PDCD6IP: variants seen among roughly 807,000 people sequenced by gnomAD.
The protein encoded by PDCD6IP is programmed cell death 6 interacting protein, also known as programmed cell death 6-interacting protein.
PDCD6IP carries 43 observed loss-of-function variants against 103.7 expected under a neutral mutation model. That is an observed-to-expected ratio of 0.41 (90% CI 0.32 to 0.53). PDCD6IP has a LOEUF of 0.53. Among genes scored for constraint, PDCD6IP ranks in the 20% least tolerant of loss-of-function variants. The pLI, the probability that PDCD6IP is intolerant of heterozygous loss-of-function variation, is 0.16. For synonymous variants in PDCD6IP, 354 were observed against 378.7 expected, an observed-to-expected ratio of 0.93 and a Z score of 0.76; for missense variants, 871 against 1,036.7, an observed-to-expected ratio of 0.84 and a Z score of 2.20.
chr3:33,822,789 A>T (rs951626913), intron 4 of PDCD6IP, among the ~76,000 whole-genome samples: 2 of 151,996 alleles, frequency 1.3e-5, no homozygotes, highest in African/African-American at 4.8e-5. Flanking sequence ...CTGAATAGCT[A>T]GGACTATAGG....
In PDCD6IP at chr3:33,864,125, T is replaced by C. The variant is rs769005395; in HGVS notation, c.2240T>C (p.Met747Thr). ...CCTCCAACTCCAGCGCCAAGAACCA[T>C]GCCGGTTAGTAGGCAAATAAATATT... ...PTPPTPAPRT[M>T]PPTKPQPPAR... Residue 747 changes from methionine to threonine, a missense_variant, in exon 16 of 18, where the codon ATG becomes ACG. Met to Thr is a moderately conservative substitution (Grantham distance 81, BLOSUM62 -1). Around this residue, in one of 5 missense-constraint regions of PDCD6IP, gnomAD observed 202 missense variants for 205.2 expected, o/e 0.98. Coordinates refer to ENST00000307296, the MANE Select transcript of PDCD6IP (RefSeq NM_013374.6). The C allele has an allele frequency of 6.5e-7, 1 of 1,527,152 alleles. No individual in the cohort carries two copies. The highest frequency in any genetic ancestry group is 9.1e-7 in the Non-Finnish European group (1 of 1,101,832). The allele number at this position is 1,527,152 out of a possible 1,614,324, so 94.6% of individuals were successfully genotyped here.
rs762157452 is a variant in PDCD6IP at position 33,865,298 on chromosome 3, G to C, written c.2300G>C (p.Arg767Pro). The change falls in exon 17 of 18, where the codon CGA becomes CCA. Residue 767 changes from arginine to proline, a missense_variant. Coordinates refer to ENST00000307296, the MANE Select transcript of PDCD6IP (RefSeq NM_013374.6). Reference sequence around the variant, plus strand: ...CCACCACCTGTGCTTCCAGCAAATCGAGCTCCTTCTGCTACTGCTCCATCT... The same window carrying C: ...CCACCACCTGTGCTTCCAGCAAATCCAGCTCCTTCTGCTACTGCTCCATCT... ...RPPPPVLPAN[R>P]APSATAPSPV... The C allele has an allele frequency of 1.3e-6, 2 of 1,592,234 alleles. No individual in the cohort carries two copies. Among genetic ancestry groups the C allele is most frequent in the Non-Finnish European group, 1.7e-6 (2 of 1,170,544 alleles).
chr3:33,830,408 T>A (rs929241787), intron 7 of PDCD6IP, among the ~76,000 whole-genome samples: 2 of 152,192 alleles, frequency 1.3e-5, no homozygotes, highest in Non-Finnish European at 2.9e-5. Context: ...CCATATTTAG[T>A]CTCTATAAAT....
At chr3:33,835,125 C>T (rs1489186141) in intron 7 of PDCD6IP, 2 of 424,510 alleles carry the variant, frequency 4.7e-6, no homozygotes, top group Admixed American at 2.6e-5. Flanking sequence ...TATGGTGTCA[C>T]TATATCTAAT....
At chr3:33,801,421 TTTC>T (rs1462695818) in intron 1 of PDCD6IP, among the ~76,000 whole-genome samples, 1 of 152,188 alleles carries the variant, frequency 6.6e-6, no homozygotes, top group Non-Finnish European at 1.5e-5. Context: ...ATAGACTTGT[TTTC>T]TTATTACTAA....
At chr3:33,809,353 AT>A (rs966879671) in intron 1 of PDCD6IP, among the ~76,000 whole-genome samples, 6 of 152,196 alleles carry the variant, frequency 3.9e-5, no homozygotes, top group Admixed American at 3.9e-4. Flanking sequence ...AGCCTAGACA[AT>A]AGTGAGAAAT....
chr3:33,861,563 T>C (rs529935455), intron 15 of PDCD6IP, among the ~76,000 whole-genome samples: 3 of 152,362 alleles, frequency 2.0e-5, no homozygotes, highest in Non-Finnish European at 4.4e-5. Context: ...GAGCATGTTA[T>C]ATGCAGTGCT....
At chr3:33,819,713 G>T (rs990724880) in intron 3 of PDCD6IP, among the ~76,000 whole-genome samples, 1 of 152,222 alleles carries the variant, frequency 6.6e-6, no homozygotes, top group Non-Finnish European at 1.5e-5. Flanking sequence ...GGTTTGTTCA[G>T]TGTTTTTTGT....
chr3:33,799,072 T>G lies in PDCD6IP; in HGVS notation c.209+135T>G, dbSNP rs1696406165. On this transcript the variant is annotated intron_variant, in intron 1 of 17. Transcript: ENST00000307296. ...CCCGGCCTGACCAGGCGCGTAGGTG[T>G]GGTCTGCATTCTTTGCTGGTGAGCA... 3.6e-6 allele frequency: 3 copies of G among 843,690 alleles called. No individual in the cohort carries two copies. In the East Asian group the frequency reaches 8.1e-5, roughly 23 times the overall value. The allele number at this position is 843,690 out of a possible 1,614,324, so 52.3% of individuals were successfully genotyped here. A position where few individuals can be genotyped will look rare whatever the true frequency, so the allele number is the denominator to read the frequency against.
chr3:33,808,943 C>T (rs1027262217), intron 1 of PDCD6IP, among the ~76,000 whole-genome samples: 1 of 152,170 alleles, frequency 6.6e-6, no homozygotes, highest in Non-Finnish European at 1.5e-5. Context: ...ACCCTCTTGT[C>T]CCAGGGTATT....
Position 33,816,289 on chromosome 3 carries a change from G to A in PDCD6IP, c.334+2661G>A, listed in dbSNP as rs546557888. Among the ~76,000 whole-genome samples, 12 of 152,058 alleles carry A rather than the reference G, an allele frequency of 7.9e-5. No homozygotes were observed. The South Asian group carries it at 1.7e-3, about 21-fold the overall frequency. The stretch of plus-strand genomic sequence containing the variant: ...TGGGAGGCCGAGGTGGGTGGATCAC[G>A]AGGTCAGGAGTTTGAGATTATCCTG... On this transcript the variant is annotated intron_variant, in intron 3 of 17. Transcript: ENST00000307296.
rs1698072351 is a variant in PDCD6IP, at chr3:33,866,627, C to G, written c.*102C>G. Reference sequence around the variant, plus strand: ...TACGCTCTGGTTAATGTAATGTACTCTCCTGGACTGAATGCAGTGTATAAT... The same window carrying G: ...TACGCTCTGGTTAATGTAATGTACTGTCCTGGACTGAATGCAGTGTATAAT... On this transcript the variant is annotated 3_prime_UTR_variant, in exon 18 of 18. Coordinates refer to ENST00000307296, the MANE Select transcript of PDCD6IP (RefSeq NM_013374.6). The G allele has an allele frequency of 3.4e-6, 3 of 893,218 alleles. No individual in the cohort carries two copies. The highest frequency in any genetic ancestry group is 1.7e-5 in the African/African-American group (1 of 58,492). The allele number at this position is 893,218 out of a possible 1,614,324, so 55.3% of individuals were successfully genotyped here.
intron 2 of PDCD6IP, 133 bp downstream of exon 2, chr3:33,812,259 T>C: frequency 7.8e-7 from 1 of 1,275,176 alleles, no homozygotes; most frequent in South Asian, 2.2e-5. Flanking sequence ...CTAATGCGAA[T>C]ATATGTGCTT....
intron 6 of PDCD6IP, 134 bp downstream of exon 6, chr3:33,826,714 AAT>A (rs1697134366): frequency 4.5e-6 from 6 of 1,340,374 alleles, no homozygotes; most frequent in African/African-American, 1.5e-5. Context: ...ATATAGTAGA[AAT>A]AGTTTTTTTT....
intron 3 of PDCD6IP, among the ~76,000 whole-genome samples, chr3:33,820,968 C>G (rs1271193716): frequency 1.3e-5 from 2 of 151,900 alleles, no homozygotes; most frequent in Non-Finnish European, 2.9e-5. Flanking sequence ...ATTTTGAGGA[C>G]CTGCCATATT....
chr3:33,798,667 TC>T lies in PDCD6IP; in HGVS notation c.-60del. 1 of 1,412,646 alleles carries T rather than the reference TC, an allele frequency of 7.1e-7. No homozygotes were observed. Among genetic ancestry groups the T allele is most frequent in the Non-Finnish European group, 9.5e-7 (1 of 1,049,568 alleles). 87.5% of individuals were successfully genotyped at this position (1,412,646 alleles called of 1,614,324 possible). On this transcript the variant is annotated 5_prime_UTR_variant, in exon 1 of 18. Transcript: ENST00000307296. ...AGTCCGCCAGCCCAGTACCTCTCTC[TC>T]CTCGGCCCTCGTAAGCTGTCCGCGG...
chr3:33,863,602 A>AT (rs949982199), intron 15 of PDCD6IP, among the ~76,000 whole-genome samples: 16 of 152,160 alleles, frequency 1.1e-4, no homozygotes, highest in Admixed American at 3.3e-4. Flanking sequence ...ATTTCATTAT[A>AT]TTTTTTATGG....
intron 7 of PDCD6IP, chr3:33,835,341 G>T (rs1697323419): frequency 2.2e-6 from 1 of 456,412 alleles, no homozygotes; most frequent in Non-Finnish European, 4.4e-6. Context: ...TCTCTGTGTT[G>T]TGTGGTTTCC....
chr3:33,838,606 C>T lies in PDCD6IP; in HGVS notation c.1181+279C>T, dbSNP rs1175783101. On this transcript the variant is annotated intron_variant, in intron 9 of 17. Coordinates refer to ENST00000307296, the MANE Select transcript of PDCD6IP (RefSeq NM_013374.6). ...TGAGAAGTAGAAATGAACTCAGATA[C>T]ATGGTACATTTAGTGTTCTGAACCA... Among the ~76,000 whole-genome samples, 3 of 152,018 alleles carry T rather than the reference C, an allele frequency of 2.0e-5. No homozygotes were observed. In the South Asian group the frequency reaches 6.2e-4, roughly 32 times the overall value.
Sources: gnomAD v4.1 joint callset for allele counts (sites outside exome capture counted in the v4.1 genomes callset) on GRCh38, gnomAD v4.1.1 for gene constraint, gnomAD v4.1.1 regional missense constraint, MANE v1.5 for transcripts, NCBI Gene and HGNC (gene_info 2026-07-23, HGNC 2026-07-21) for gene names.